Variants in MARCHF1 observed in about 807,000 individuals in gnomAD.
MARCHF1 encodes membrane associated ring-CH-type finger 1.
In MARCHF1, 40 loss-of-function variants were observed where a neutral mutation model predicts 54.2. The observed-to-expected ratio is 0.74, with a 90% CI of 0.57 to 0.96. The LOEUF (loss-of-function observed/expected upper bound fraction) is 0.96, where lower values mean the gene tolerates loss of function less well. Ranked by LOEUF, MARCHF1 falls within the 40% of genes least tolerant of loss-of-function variation. The pLI is 0.00. For synonymous variants in MARCHF1, 236 were observed against 236.3 expected (o/e 1.00, Z 0.01); for missense variants, 586 against 656.5 (o/e 0.89, Z 1.17).
intron 4 of MARCHF1, among the ~76,000 whole-genome samples, chr4:163,806,860 A>G (rs1333654421): frequency 6.6e-6 from 1 of 152,164 alleles, no homozygotes; most frequent in Non-Finnish European, 1.5e-5. Flanking sequence ...CTAATGAAAC[A>G]TTGCTCAACC....
At chr4:164,011,558 G>A (rs995077604) in intron 2 of MARCHF1, among the ~76,000 whole-genome samples, 3 of 152,038 alleles carry the variant, frequency 2.0e-5, no homozygotes, top group African/African-American at 7.2e-5. Context: ...AAGTGAGAAC[G>A]AAAATGAGAT....
chr4:163,610,015 C>T (rs1032332421), intron 7 of MARCHF1, among the ~76,000 whole-genome samples: 1 of 152,042 alleles, frequency 6.6e-6, no homozygotes, highest in Admixed American at 6.6e-5. Flanking sequence ...ATGCAAGTGC[C>T]AGTGTCCCAT....
chr4:164,012,671 A>G (rs777017596), intron 2 of MARCHF1, among the ~76,000 whole-genome samples: 6 of 152,026 alleles, frequency 3.9e-5, no homozygotes, highest in Non-Finnish European at 7.4e-5. Flanking sequence ...CCTTTCCCCA[A>G]TTTCAGATAG....
intron 1 of MARCHF1, among the ~76,000 whole-genome samples, chr4:164,244,053 C>G (rs952498355): frequency 4.6e-5 from 7 of 152,026 alleles, no homozygotes; most frequent in African/African-American, 1.7e-4. Flanking sequence ...ATCAACGAGA[C>G]AGAAAGTTAA....
chr4:163,943,164 T>C (rs903281892), intron 3 of MARCHF1, among the ~76,000 whole-genome samples: 10 of 152,234 alleles, frequency 6.6e-5, no homozygotes, highest in Non-Finnish European at 1.5e-5. Flanking sequence ...CTGTTGATAA[T>C]TTCTTTTGCT....
At chr4:163,766,265 G>A (rs537644137) in intron 4 of MARCHF1, among the ~76,000 whole-genome samples, 2 of 152,130 alleles carry the variant, frequency 1.3e-5, no homozygotes, top group African/African-American at 4.8e-5. Flanking sequence ...AATAGGGTAA[G>A]CGTCATCCAG....
At chr4:163,788,227 C>T (rs1253300377) in intron 4 of MARCHF1, among the ~76,000 whole-genome samples, 3 of 151,816 alleles carry the variant, frequency 2.0e-5, no homozygotes, top group African/African-American at 7.2e-5. Context: ...ATATGTTTTA[C>T]CACAATGAAA....
At chr4:164,351,006 G>C (rs545475495) in intron 1 of MARCHF1, among the ~76,000 whole-genome samples, 1 of 151,984 alleles carries the variant, frequency 6.6e-6, no homozygotes, top group Admixed American at 6.6e-5. Flanking sequence ...GGTGACGGAC[G>C]CACCTGGAAA....
At chr4:164,093,162 C>T (rs1755338909) in intron 2 of MARCHF1, among the ~76,000 whole-genome samples, 1 of 152,038 alleles carries the variant, frequency 6.6e-6, no homozygotes, top group Non-Finnish European at 1.5e-5. Flanking sequence ...CTCTTTCTTT[C>T]TCCTATTGTT....
chr4:163,754,862 T>C lies in MARCHF1; in HGVS notation c.112-53999A>G, dbSNP rs907916988. 1.1e-4 allele frequency among the ~76,000 whole-genome samples: 16 copies of C among 151,570 alleles called. No individual in the cohort carries two copies. In the South Asian group the frequency reaches 1.3e-3, roughly 12 times the overall value. On this transcript the variant is annotated intron_variant, in intron 4 of 9. Coordinates refer to ENST00000514618, the MANE Select transcript of MARCHF1 (RefSeq NM_001394959.1). ...TAAAACACGGGACCCTGAAGGCAAA[T>C]AGAAAAGGAAGCAGTCTTGAGGGGA...
chr4:164,095,835 A>G (rs1373415930), intron 2 of MARCHF1, among the ~76,000 whole-genome samples: 1 of 152,184 alleles, frequency 6.6e-6, no homozygotes, highest in Non-Finnish European at 1.5e-5. Context: ...ATCACTAATC[A>G]TCAGAGAAAT....
intron 2 of MARCHF1, among the ~76,000 whole-genome samples, chr4:164,006,694 T>C (rs868439946): frequency 6.6e-6 from 1 of 151,942 alleles, no homozygotes; most frequent in Non-Finnish European, 1.5e-5. Context: ...AACTCTCAAA[T>C]TTCAAGGACA....
chr4:163,967,433 C>G (rs536159176), intron 3 of MARCHF1, among the ~76,000 whole-genome samples: 1 of 152,238 alleles, frequency 6.6e-6, no homozygotes, highest in South Asian at 2.1e-4. Flanking sequence ...TTAAGAAAGG[C>G]AAATCACTTT....
chr4:164,256,395 A>T (rs1203205484), intron 1 of MARCHF1, among the ~76,000 whole-genome samples: 1 of 150,618 alleles, frequency 6.6e-6, no homozygotes, highest in African/African-American at 2.4e-5. Context: ...AAACAAAAAA[A>T]ACTAAAAATG....
intron 8 of MARCHF1, among the ~76,000 whole-genome samples, chr4:163,559,764 C>T (rs940036619): frequency 6.6e-6 from 1 of 152,166 alleles, no homozygotes; most frequent in Non-Finnish European, 1.5e-5. Flanking sequence ...AGAGGAGTGT[C>T]CCCTTCCTTG....
chr4:164,318,638 G>A (rs993306500), intron 1 of MARCHF1, among the ~76,000 whole-genome samples: 2 of 152,160 alleles, frequency 1.3e-5, no homozygotes, highest in Non-Finnish European at 2.9e-5. Context: ...AGAAATGAAT[G>A]TGAATGATGA....
intron 2 of MARCHF1, among the ~76,000 whole-genome samples, chr4:164,081,207 CAAAAAAA>C (rs60753810): frequency 0.027 from 490 of 18,340 alleles, 2 homozygotes; most frequent in African/African-American, 0.079. Flanking sequence ...GACGCTGTCT[CAAAAAAA>C]AAAAAAAAAA....
intron 4 of MARCHF1, among the ~76,000 whole-genome samples, chr4:163,846,479 A>G (rs745445610): frequency 7.2e-5 from 11 of 152,148 alleles, no homozygotes; most frequent in Non-Finnish European, 1.5e-4. Context: ...AGAAGATGGG[A>G]ATAACTCGGA....
chr4:163,725,286 G>A (rs1024300093), intron 4 of MARCHF1, among the ~76,000 whole-genome samples: 27 of 151,920 alleles, frequency 1.8e-4, no homozygotes, highest in African/African-American at 6.0e-4. Flanking sequence ...GCATAGTGTG[G>A]GCAACATGGT....
Sources: gnomAD v4.1 joint callset for allele counts (sites outside exome capture counted in the v4.1 genomes callset) on GRCh38, gnomAD v4.1.1 for gene constraint, MANE v1.5 for transcripts, NCBI Gene and HGNC (gene_info 2026-07-23, HGNC 2026-07-21) for gene names.